The following PIK3R3 variants were observed in gnomAD, a reference collection of about 807,000 sequenced individuals.
PIK3R3 encodes phosphoinositide-3-kinase regulatory subunit 3, also known as phosphatidylinositol 3-kinase regulatory subunit gamma.
Under a neutral mutation model 62.9 loss-of-function variants are expected in PIK3R3, and 64 were observed. The ratio of observed to expected loss-of-function variants is 1.02; its 90% CI spans 0.83 to 1.25. The LOEUF is 1.25. PIK3R3 is among the 50% of genes most tolerant of loss of function. PIK3R3 has a pLI of 0.00. For synonymous variants in PIK3R3, 165 were observed against 189.0 expected, an observed-to-expected ratio of 0.87 and a Z score of 1.04; for missense variants, 614 against 561.6, an observed-to-expected ratio of 1.09 and a Z score of -0.94.
chr1:46,056,036 G>A (rs1647869802), intron 6 of PIK3R3, 65 bp from the exon 7 acceptor site: 1 of 1,061,270 alleles, frequency 9.4e-7, no homozygotes, highest in Non-Finnish European at 1.3e-6. Flanking sequence ...TACTGGGTGA[G>A]CACGGTCCTA....
chr1:46,109,314 C>A (rs1025293913), intron 1 of PIK3R3, among the ~76,000 whole-genome samples: 1 of 152,184 alleles, frequency 6.6e-6, no homozygotes, highest in African/African-American at 2.4e-5. Context: ...TTGGCTTCTA[C>A]CCTAATCACT....
At position 46,108,956 on chromosome 1, in the gene PIK3R3, G is replaced by A. The variant is rs12037370; in HGVS notation, c.106+22891C>T. 2.0e-3 allele frequency among the ~76,000 whole-genome samples: 302 copies of A among 152,236 alleles called. 9 individuals carry two copies. The East Asian group carries it at 0.045, about 23-fold the overall frequency. On this transcript the variant is annotated intron_variant, in intron 1 of 9. Coordinates refer to ENST00000262741, the MANE Select transcript of PIK3R3 (RefSeq NM_003629.4). Reference sequence around the variant, plus strand: ...GGGCGGATCACGAGGTCAGGAGATCGAGACTATCCTGGCTAACACGGTGAA... The same window carrying A: ...GGGCGGATCACGAGGTCAGGAGATCAAGACTATCCTGGCTAACACGGTGAA...
At chr1:46,076,843 TA>T (rs1383750109) in intron 3 of PIK3R3, among the ~76,000 whole-genome samples, 1 of 152,204 alleles carries the variant, frequency 6.6e-6, no homozygotes, top group East Asian at 1.9e-4. Context: ...CTATTGCATG[TA>T]AAGGCCTTAG....
At chr1:46,088,178 A>C (rs1651273205) in intron 1 of PIK3R3, among the ~76,000 whole-genome samples, 1 of 152,238 alleles carries the variant, frequency 6.6e-6, no homozygotes. Flanking sequence ...TGAGCCCAAG[A>C]GTTTGAGACC....
chr1:46,051,409 C>G (rs1031715936), intron 7 of PIK3R3, among the ~76,000 whole-genome samples: 3 of 151,998 alleles, frequency 2.0e-5, no homozygotes, highest in Admixed American at 1.3e-4. Flanking sequence ...TACAGGCATG[C>G]GCCACCATGC....
chr1:46,151,443 T>C, the PIK3R3 span, among the ~76,000 whole-genome samples: 1 of 152,194 alleles, frequency 6.6e-6, no homozygotes, highest in Non-Finnish European at 1.5e-5. Flanking sequence ...CTTTTGCAGG[T>C]TGAAGACAGT....
chr1:46,153,185 A>G, the PIK3R3 span, among the ~76,000 whole-genome samples: 1 of 152,232 alleles, frequency 6.6e-6, no homozygotes, highest in African/African-American at 2.4e-5. Flanking sequence ...AATATAATCC[A>G]TATATCCTCA....
the PIK3R3 span, among the ~76,000 whole-genome samples, chr1:46,155,740 G>A: frequency 6.6e-6 from 1 of 152,144 alleles, no homozygotes; most frequent in Non-Finnish European, 1.5e-5. Flanking sequence ...GAGATTACAG[G>A]TGTGAGCCAC....
At chr1:46,136,264 A>G (rs934937182), upstream of PIK3R3, among the ~76,000 whole-genome samples, 5 of 152,148 alleles carry the variant, frequency 3.3e-5, no homozygotes, top group African/African-American at 9.7e-5. Context: ...AAGCCCTACA[A>G]ATTATCAGTT....
intron 3 of PIK3R3, among the ~76,000 whole-genome samples, chr1:46,076,699 C>T (rs1650096846): frequency 6.6e-6 from 1 of 152,190 alleles, no homozygotes; most frequent in Non-Finnish European, 1.5e-5. Context: ...TGGATTTAAA[C>T]TCTTCCTCTA....
chr1:46,045,141 C>T (rs1021406629), intron 9 of PIK3R3, among the ~76,000 whole-genome samples: 4 of 152,164 alleles, frequency 2.6e-5, no homozygotes, highest in Non-Finnish European at 2.9e-5. Context: ...TTAATCCTCA[C>T]AAAAACCCTA....
chr1:46,082,210 G>T lies in PIK3R3; in HGVS notation c.107-1460C>A, dbSNP rs544155431. On this transcript the variant is annotated intron_variant, in intron 1 of 9. Coordinates refer to ENST00000262741, the MANE Select transcript of PIK3R3 (RefSeq NM_003629.4). ...CCCAATACAATACACTAAAAAGGAT[G>T]TAACATCACTTCTGTGACATTCCTG... 6.6e-5 allele frequency among the ~76,000 whole-genome samples: 10 copies of T among 152,242 alleles called. No homozygotes were observed. In the South Asian group the frequency reaches 2.1e-3, roughly 32 times the overall value.
chr1:46,098,862 A>G (rs960890270), intron 1 of PIK3R3, among the ~76,000 whole-genome samples: 2 of 99,384 alleles, frequency 2.0e-5, no homozygotes, highest in African/African-American at 6.9e-5. Context: ...CACCATGCTT[A>G]GCTAATTTTT....
At chr1:46,129,012 A>G (rs887109166) in intron 1 of PIK3R3, among the ~76,000 whole-genome samples, 6 of 152,012 alleles carry the variant, frequency 3.9e-5, no homozygotes, top group Non-Finnish European at 7.4e-5. Flanking sequence ...CGGAGATTGC[A>G]GTGAGCCAAG....
chr1:46,158,129 C>A, the PIK3R3 span, among the ~76,000 whole-genome samples: 5 of 152,164 alleles, frequency 3.3e-5, no homozygotes, highest in Admixed American at 2.0e-4. Context: ...CTCCTTCTCA[C>A]CCCCATTCCT....
intron 7 of PIK3R3, among the ~76,000 whole-genome samples, chr1:46,049,884 C>G (rs1647216211): frequency 6.6e-6 from 1 of 151,944 alleles, no homozygotes; most frequent in South Asian, 2.1e-4. Context: ...CTTTGGGAGG[C>G]CAAGGCAGGA....
intron 1 of PIK3R3, among the ~76,000 whole-genome samples, chr1:46,101,953 T>C (rs192323203): frequency 2.0e-5 from 3 of 151,004 alleles, no homozygotes; most frequent in Non-Finnish European, 4.4e-5. Context: ...ATTAACAATG[T>C]AATGTATCAA....
At chr1:46,049,298 T>A (rs1332777077) in intron 7 of PIK3R3, among the ~76,000 whole-genome samples, 2 of 152,214 alleles carry the variant, frequency 1.3e-5, no homozygotes, top group Admixed American at 6.5e-5. Context: ...AAGATCTAAT[T>A]GGTTTTACAG....
chr1:46,165,850 T>C, the PIK3R3 span, among the ~76,000 whole-genome samples: 1 of 131,904 alleles, frequency 7.6e-6, no homozygotes, highest in Admixed American at 8.5e-5. Context: ...CGGCTCACTG[T>C]AAGCTCCGCC....
Sources: allele counts gnomAD v4.1 joint callset (sites outside exome capture counted in the v4.1 genomes callset), GRCh38; gene constraint gnomAD v4.1.1; transcripts MANE v1.5; gene names NCBI Gene and HGNC (gene_info 2026-07-23, HGNC 2026-07-21).